Variants in TMEM134 observed in about 807,000 individuals in gnomAD.
TMEM134 encodes transmembrane protein 134.
In TMEM134, 36 loss-of-function variants were observed where a neutral mutation model predicts 26.2. The ratio of observed to expected loss-of-function variants is 1.37; its 90% confidence interval spans 1.05 to 1.81. TMEM134 has a LOEUF of 1.81. TMEM134 is among the 40% of genes most tolerant of loss of function. The probability of loss-of-function intolerance (pLI) is 0.00; values close to 1 mark genes in which losing one functional copy is unlikely to be tolerated. For missense variants in TMEM134, 339 were observed against 263.5 expected (o/e 1.29, Z -1.98); for synonymous variants, 133 against 113.6 (o/e 1.17, Z -1.08).
In TMEM134 at chr11:67,463,884, T is replaced by A. The variant is rs191702635; in HGVS notation, c.*730A>T. 45 of 152,742 alleles carry A rather than the reference T, an allele frequency of 2.9e-4. No homozygotes were observed. The highest frequency in any genetic ancestry group is 9.9e-4 in the African/African-American group (41 of 41,594). 9.5% of individuals were successfully genotyped at this position (152,742 alleles called of 1,614,324 possible). ...AGGGTGTCTGTCAGGCGCGGCTTCC[T>A]ATGCCCTCTGCCCCCAGGTTCTCCC... On this transcript the variant is annotated 3_prime_UTR_variant, in exon 7 of 7. Coordinates refer to ENST00000308022, the MANE Select transcript of TMEM134 (RefSeq NM_025124.4).
chr11:67,464,803 C>T lies in TMEM134; in HGVS notation c.505G>A (p.Val169Ile), dbSNP rs1565169288. 5 of 1,607,806 alleles carry T rather than the reference C, an allele frequency of 3.1e-6. No homozygotes were observed. Among genetic ancestry groups the T allele is most frequent in the Middle Eastern group, 2.1e-4 (1 of 4,740 alleles). Residue 169 changes from valine (V) to isoleucine (I), a missense_variant and splice_region_variant, in exon 6 of 7, where the codon GTC (valine) becomes ATC (isoleucine). By Grantham distance (29) the Val-to-Ile change is conservative. Coordinates refer to ENST00000308022, the MANE Select transcript of TMEM134 (RefSeq NM_025124.4). ...VPGFLLLVPGVYHVIFIYCAV... is the reference protein window; with the variant it reads ...VPGFLLLVPGIYHVIFIYCAV... Reference sequence around the variant, plus strand: ...CTTCCGCCCCGGTGCCCGCTCGCACCTCCAGGCACCAACAACAGGAAGCCC... The same window carrying T: ...CTTCCGCCCCGGTGCCCGCTCGCACTTCCAGGCACCAACAACAGGAAGCCC...
intron 6 of TMEM134, 35 bp downstream of exon 6, chr11:67,464,768 G>C (rs1294649737): frequency 1.3e-6 from 2 of 1,515,384 alleles, no homozygotes; most frequent in Non-Finnish European, 1.8e-6. Context: ...CCGCCCCACA[G>C]CCCCCGCCCC....
chr11:67,464,510 G>C lies in TMEM134; in HGVS notation c.*104C>G, dbSNP rs1865111284. 1 of 1,223,804 alleles carries C rather than the reference G, an allele frequency of 8.2e-7. No individual in the cohort carries two copies. The highest frequency in any genetic ancestry group is 1.5e-5 in the African/African-American group (1 of 65,994). The allele number at this position is 1,223,804 out of a possible 1,614,324, so 75.8% of individuals were successfully genotyped here. A position where few individuals can be genotyped will look rare whatever the true frequency, so the allele number is the denominator to read the frequency against. On this transcript the variant is annotated 3_prime_UTR_variant, in exon 7 of 7. Transcript: ENST00000308022. ...TTCCTGAGCAAACTCCCTAGGGGCTGGGGTTTCGAGGGTCCTGGAGGGCCT... is the reference window on the plus strand; with the variant it reads ...TTCCTGAGCAAACTCCCTAGGGGCTCGGGTTTCGAGGGTCCTGGAGGGCCT...
chr11:67,464,479 C>T lies in TMEM134; in HGVS notation c.*135G>A. On this transcript the variant is annotated 3_prime_UTR_variant, in exon 7 of 7. Transcript: ENST00000308022. ...TTTCCCAGGGCCAGGCCTGCATGCC[C>T]CGAACTTCCTGAGCAAACTCCCTAG... is the stretch of plus-strand genomic sequence containing the variant. 1.1e-6 allele frequency: 1 copy of T among 927,034 alleles called. No homozygotes were observed. Among genetic ancestry groups the T allele is most frequent in the Non-Finnish European group, 1.7e-6 (1 of 600,286 alleles). The allele number at this position is 927,034 out of a possible 1,614,324, so 57.4% of individuals were successfully genotyped here. A position where few individuals can be genotyped will look rare whatever the true frequency, so the allele number is the denominator to read the frequency against.
In TMEM134 at chr11:67,464,828, C is replaced by A; in HGVS notation, c.480G>T (p.Pro160=). The A allele has an allele frequency of 6.2e-7, 1 of 1,610,356 alleles. No homozygotes were observed. Among genetic ancestry groups the A allele is most frequent in the Admixed American group, 1.7e-5 (1 of 59,966 alleles). The change falls in exon 6 of 7, where the codon CCG becomes CCT. Residue 160 remains proline, a synonymous_variant. Transcript: ENST00000308022. ...CTCCAGGCACCAACAACAGGAAGCC[C>A]GGCACGAAGAAGATGGCGCTGGAGA... ...PGVSSAIFFV[P]GFLLLVPGVY...
In TMEM134 at chr11:67,468,170, G is replaced by A. The variant is rs987137909; in HGVS notation, c.175-78C>T. ...CTCCCTCCCGGGAAGAGAAAAGCAG[G>A]CCTACACAACCATTTGCCTGGCCGC... On this transcript the variant is annotated intron_variant, in intron 1 of 6. Coordinates refer to ENST00000308022, the MANE Select transcript of TMEM134 (RefSeq NM_025124.4). 5.1e-6 allele frequency: 7 copies of A among 1,379,938 alleles called. No homozygotes were observed. In the African/African-American group the frequency reaches 5.7e-5, roughly 11 times the overall value. 85.5% of individuals were successfully genotyped at this position (1,379,938 alleles called of 1,614,324 possible).
Position 67,462,817 on chromosome 11 carries a change from G to A in TMEM134, c.*1797C>T, listed in dbSNP as rs1432777603. 6.6e-6 allele frequency: 1 copy of A among 151,708 alleles called. No homozygotes were observed. The highest frequency in any genetic ancestry group is 6.6e-5 in the Admixed American group (1 of 15,222). The allele number at this position is 151,708 out of a possible 1,614,324, so 9.4% of individuals were successfully genotyped here. A position where few individuals can be genotyped will look rare whatever the true frequency, so the allele number is the denominator to read the frequency against. ...TCCGTGATCCTCCCACTCCAGCCTC[G>A]CAAGTGGGTGGGACTACAGGCGCCC... On this transcript the variant is annotated 3_prime_UTR_variant, in exon 7 of 7. Transcript: ENST00000308022.
chr11:67,464,901 T>G (rs1412639184), intron 5 of TMEM134, 45 bp from the exon 6 acceptor site: 1 of 1,602,588 alleles, frequency 6.2e-7, no homozygotes, highest in Non-Finnish European at 8.5e-7. Context: ...GGGCGGAGGC[T>G]TCGAGGCCTT....
chr11:67,469,218 C>A lies in TMEM134; in HGVS notation c.-26G>T. 2 of 1,257,398 alleles carry A rather than the reference C, an allele frequency of 1.6e-6. No individual in the cohort carries two copies. Among genetic ancestry groups the A allele is most frequent in the Non-Finnish European group, 2.0e-6 (2 of 998,252 alleles). The allele number at this position is 1,257,398 out of a possible 1,614,324, so 77.9% of individuals were successfully genotyped here. ...GGCCCCGGCCCGCTCAGGCGCCGTG[C>A]GCCGCCGCCATCTGCGCCCACACAC... is the stretch of plus-strand genomic sequence containing the variant. On this transcript the variant is annotated 5_prime_UTR_variant, in exon 1 of 7. Coordinates refer to ENST00000308022, the MANE Select transcript of TMEM134 (RefSeq NM_025124.4).
Position 67,465,039 on chromosome 11 carries a change from G to A in TMEM134, c.451+17C>T, listed in dbSNP as rs1243997239. 3.8e-6 allele frequency: 6 copies of A among 1,565,070 alleles called. No individual in the cohort carries two copies. Among genetic ancestry groups the A allele is most frequent in the Non-Finnish European group, 5.2e-6 (6 of 1,156,984 alleles). On this transcript the variant is annotated intron_variant, in intron 5 of 6. Transcript: ENST00000308022. ...ACAGGGGTGTCCTCTGCCTGTGGGG[G>A]CGGGAGGGTCGCTCACCTGGAGAGG...
chr11:67,467,911 G>C, intron 2 of TMEM134, 117 bp downstream of exon 2: 1 of 991,420 alleles, frequency 1.0e-6, no homozygotes, highest in Non-Finnish European at 1.5e-6. Flanking sequence ...GGTCAGGCTA[G>C]GAATCAATAG....
chr11:67,467,238 G>T, intron 4 of TMEM134, 74 bp downstream of exon 4: 1 of 1,429,912 alleles, frequency 7.0e-7, no homozygotes, highest in Non-Finnish European at 9.8e-7. Flanking sequence ...TCAAGGGGGA[G>T]GCAGAGCCTG....
intron 1 of TMEM134, among the ~76,000 whole-genome samples, chr11:67,468,365 T>G (rs1865417557): frequency 1.3e-5 from 2 of 152,168 alleles, no homozygotes; most frequent in South Asian, 4.1e-4. Flanking sequence ...TCTCATTCAG[T>G]GGCCTAGAAT....
Position 67,464,559 on chromosome 11 carries a change from G to C in TMEM134, c.*55C>G. 1.3e-6 allele frequency: 2 copies of C among 1,524,722 alleles called. No homozygotes were observed. Among genetic ancestry groups the C allele is most frequent in the Middle Eastern group, 1.7e-4 (1 of 5,938 alleles). The allele number at this position is 1,524,722 out of a possible 1,614,324, so 94.4% of individuals were successfully genotyped here. ...CTCTTCCCTTGAGATGAGGGGAACG[G>C]AACAGGGCAAGAGGGGCGCCCCCAT... is the stretch of plus-strand genomic sequence containing the variant. On this transcript the variant is annotated 3_prime_UTR_variant, in exon 7 of 7. Transcript: ENST00000308022.
Position 67,469,045 on chromosome 11 carries a change from C to T in TMEM134, c.148G>A (p.Asp50Asn), listed in dbSNP as rs1865488243. 8 of 1,514,918 alleles carry T rather than the reference C, an allele frequency of 5.3e-6. No individual in the cohort carries two copies. The highest frequency in any genetic ancestry group is 7.1e-6 in the Non-Finnish European group (8 of 1,133,182). 93.8% of individuals were successfully genotyped at this position (1,514,918 alleles called of 1,614,324 possible). A position where few individuals can be genotyped will look rare whatever the true frequency, so the allele number is the denominator to read the frequency against. ...TGGTAGCGCAGCCGGGACTGCTTGT[C>T]CTCGTCAGCCACCTCGAACCGGGCC... is the stretch of plus-strand genomic sequence containing the variant. Reference protein sequence around the residue: ...RRARFEVADEDKQSRLRYQNL... With the variant: ...RRARFEVADENKQSRLRYQNL... The change falls in exon 1 of 7, where the codon GAC (aspartate) becomes AAC (asparagine). Residue 50 changes from aspartate to asparagine, a missense_variant. Transcript: ENST00000308022.
rs774373838 is a variant in TMEM134 at position 67,469,231 on chromosome 11, T to G, written c.-39A>C. On this transcript the variant is annotated 5_prime_UTR_variant, in exon 1 of 7. Coordinates refer to ENST00000308022, the MANE Select transcript of TMEM134 (RefSeq NM_025124.4). The stretch of plus-strand genomic sequence containing the variant: ...TCAGGCGCCGTGCGCCGCCGCCATC[T>G]GCGCCCACACACCCAGCGTCGCCGC... The G allele has an allele frequency of 8.0e-6, 10 of 1,251,024 alleles. No homozygotes were observed. Among genetic ancestry groups the G allele is most frequent in the Non-Finnish European group, 7.0e-6 (7 of 995,400 alleles). 77.5% of individuals were successfully genotyped at this position (1,251,024 alleles called of 1,614,324 possible).
At chr11:67,468,184 T>C in intron 1 of TMEM134, 92 bp from the exon 2 acceptor site, 2 of 1,232,364 alleles carry the variant, frequency 1.6e-6, no homozygotes, top group Non-Finnish European at 2.3e-6. Context: ...ACACAACCAT[T>C]TGCCTGGCCG....
In TMEM134 at chr11:67,464,499, C is replaced by T. The variant is rs1865110505; in HGVS notation, c.*115G>A. The stretch of plus-strand genomic sequence containing the variant: ...ATGCCCCGAACTTCCTGAGCAAACT[C>T]CCTAGGGGCTGGGGTTTCGAGGGTC... On this transcript the variant is annotated 3_prime_UTR_variant, in exon 7 of 7. Coordinates refer to ENST00000308022, the MANE Select transcript of TMEM134 (RefSeq NM_025124.4). The T allele has an allele frequency of 8.8e-7, 1 of 1,135,302 alleles. No homozygotes were observed. The highest frequency in any genetic ancestry group is 1.6e-5 in the African/African-American group (1 of 64,278). The allele number at this position is 1,135,302 out of a possible 1,614,324, so 70.3% of individuals were successfully genotyped here.
rs775383818 is a variant in TMEM134, at chr11:67,464,853, A to G, written c.455T>C (p.Val152Ala). The G allele has an allele frequency of 1.4e-5, 22 of 1,610,494 alleles. No homozygotes were observed. The East Asian group carries it at 3.8e-4, about 28-fold the overall frequency. ...CGGCACGAAGAAGATGGCGCTGGAGACACCTGCGGGAGGGACCAGAGCCCG... is the reference window on the plus strand; with the variant it reads ...CGGCACGAAGAAGATGGCGCTGGAGGCACCTGCGGGAGGGACCAGAGCCCG... The part of the protein sequence containing the change: ...VGLEATPSPG[V>A]SSAIFFVPGF... Residue 152 changes from valine to alanine, a missense_variant, in exon 6 of 7, where the codon GTC (valine) becomes GCC (alanine). Physicochemically the swap from Val to Ala is moderately conservative, Grantham distance 64. Transcript: ENST00000308022.
Sources: gnomAD v4.1 joint callset for allele counts (sites outside exome capture counted in the v4.1 genomes callset) on GRCh38, gnomAD v4.1.1 for gene constraint, MANE v1.5 for transcripts, NCBI Gene and HGNC (gene_info 2026-07-23, HGNC 2026-07-21) for gene names.